The following YLPM1 variants were observed in gnomAD, a reference collection of about 807,000 sequenced individuals.
YLPM1 encodes YLP motif containing 1.
Under a neutral mutation model 230.0 loss-of-function variants are expected in YLPM1, and 99 were observed. The observed-to-expected ratio is 0.43, with a 90% CI of 0.37 to 0.51. The LOEUF (loss-of-function observed/expected upper bound fraction) is 0.51, where lower values mean the gene tolerates loss of function less well. Ranked by LOEUF, YLPM1 falls within the 20% of genes least tolerant of loss-of-function variation. The pLI is 0.00. For synonymous variants in YLPM1, 984 were observed against 942.5 expected (o/e 1.04, Z -0.81); for missense variants, 2,592 against 2,707.7 (o/e 0.96, Z 0.95).
chr14:74,767,178 G>A (rs967909724), intron 1 of YLPM1, among the ~76,000 whole-genome samples: 2 of 152,020 alleles, frequency 1.3e-5, no homozygotes, highest in Non-Finnish European at 2.9e-5. Flanking sequence ...CACCGTGCCC[G>A]GCCAAGACCC....
At chr14:74,778,792 C>G in intron 2 of YLPM1, 109 bp downstream of exon 2, 2 of 902,338 alleles carry the variant, frequency 2.2e-6, no homozygotes, top group African/African-American at 1.7e-5. Context: ...TTTTAGGTAC[C>G]TATAAAGTTG....
At chr14:74,770,032 A>G (rs2090961404) in intron 1 of YLPM1, among the ~76,000 whole-genome samples, 1 of 151,770 alleles carries the variant, frequency 6.6e-6, no homozygotes, top group African/African-American at 2.4e-5. Flanking sequence ...AATACAAAAA[A>G]TTAGCCGGGC....
In YLPM1 at chr14:74,836,481, A is replaced by C. The variant is rs2140151188; in HGVS notation, c.*743A>C. 1 of 152,260 alleles carries C rather than the reference A, an allele frequency of 6.6e-6. No homozygotes were observed. The highest frequency in any genetic ancestry group is 1.9e-4 in the East Asian group (1 of 5,180). The allele number at this position is 152,260 out of a possible 1,614,324, so 9.4% of individuals were successfully genotyped here. ...TCTGTAACATGATGCTTTATTTAAA[A>C]ATTTTTTTTGATCCTCTCTCTGTTC... On this transcript the variant is annotated 3_prime_UTR_variant, in exon 21 of 21. Transcript: ENST00000325680.
At position 74,835,940 on chromosome 14, in the gene YLPM1, G is replaced by C. The variant is rs563401710; in HGVS notation, c.*202G>C. 2.2e-6 allele frequency: 1 copy of C among 449,392 alleles called. No homozygotes were observed. The highest frequency in any genetic ancestry group is 2.4e-5 in the Admixed American group (1 of 40,970). 27.8% of individuals were successfully genotyped at this position (449,392 alleles called of 1,614,324 possible). ...GAATCTTGCTGTACCCAAGCAAGAC[G>C]TTAATTTTTCTTTTAACTGTTTTGG... On this transcript the variant is annotated 3_prime_UTR_variant, in exon 21 of 21. Coordinates refer to ENST00000325680, the MANE Select transcript of YLPM1 (RefSeq NM_019589.3).
At chr14:74,774,809 G>A (rs2091017143) in intron 1 of YLPM1, among the ~76,000 whole-genome samples, 1 of 151,962 alleles carries the variant, frequency 6.6e-6, no homozygotes, top group African/African-American at 2.4e-5. Context: ...CTCCCAAAGT[G>A]CTGGGATTAC....
intron 1 of YLPM1, among the ~76,000 whole-genome samples, chr14:74,770,396 G>C (rs2090966749): frequency 6.6e-6 from 1 of 151,970 alleles, no homozygotes; most frequent in Admixed American, 6.6e-5. Context: ...GGCCAAGGCA[G>C]GCGGATCACT....
chr14:74,797,790 A>G lies in YLPM1; in HGVS notation c.2493A>G (p.Arg831=), dbSNP rs757725595. The G allele has an allele frequency of 3.7e-6, 6 of 1,613,974 alleles. No homozygotes were observed. Among genetic ancestry groups the G allele is most frequent in the Non-Finnish European group, 5.1e-6 (6 of 1,179,886 alleles). The change falls in exon 5 of 21, where the codon CGA becomes CGG. Residue 831 remains arginine (R), a synonymous_variant. Coordinates refer to ENST00000325680, the MANE Select transcript of YLPM1 (RefSeq NM_019589.3). ...CCCCCAGTACATCCCTAAGTCCTCGACAGAGTGGACCACAGTGGAAAGGCC... is the reference window on the plus strand; with the variant it reads ...CCCCCAGTACATCCCTAAGTCCTCGGCAGAGTGGACCACAGTGGAAAGGCC... ...YITPSTSLSP[R]QSGPQWKGPK...
At chr14:74,785,453 C>A (rs937630040) in intron 4 of YLPM1, among the ~76,000 whole-genome samples, 3 of 152,156 alleles carry the variant, frequency 2.0e-5, no homozygotes, top group Admixed American at 6.5e-5. Flanking sequence ...GCTCACTCAG[C>A]CCTTATAGAG....
At chr14:74,834,183 T>TAAA (rs5809680) in intron 19 of YLPM1, among the ~76,000 whole-genome samples, 28 of 130,346 alleles carry the variant, frequency 2.1e-4, no homozygotes, top group African/African-American at 4.5e-4. Flanking sequence ...ACTCTGACTC[T>TAAA]AAAAAAAAAA....
Position 74,824,241 on chromosome 14 carries a change from C to CT in YLPM1, c.6112-14dup. Reference sequence around the variant, plus strand: ...TCTTTCTAACCCTTCGAGCTTCTCTCTGTGTACGATTTAGGGTTACATTCC... The same window carrying CT: ...TCTTTCTAACCCTTCGAGCTTCTCTCTTGTGTACGATTTAGGGTTACATTCC... On this transcript the variant is annotated splice_polypyrimidine_tract_variant and intron_variant, in intron 17 of 20. Coordinates refer to ENST00000325680, the MANE Select transcript of YLPM1 (RefSeq NM_019589.3). The CT allele has an allele frequency of 6.2e-7, 1 of 1,611,458 alleles. No homozygotes were observed. The highest frequency in any genetic ancestry group is 8.5e-7 in the Non-Finnish European group (1 of 1,178,448).
intron 1 of YLPM1, among the ~76,000 whole-genome samples, chr14:74,774,408 G>A (rs1387849358): frequency 2.0e-5 from 3 of 151,264 alleles, no homozygotes; most frequent in Non-Finnish European, 4.4e-5. Context: ...TAATTTTTTT[G>A]TATTTTTTTT....
chr14:74,763,398 A>G lies in YLPM1; in HGVS notation c.-92A>G. 1 of 1,367,248 alleles carries G rather than the reference A, an allele frequency of 7.3e-7. No homozygotes were observed. Among genetic ancestry groups the G allele is most frequent in the Non-Finnish European group, 9.5e-7 (1 of 1,050,520 alleles). The allele number at this position is 1,367,248 out of a possible 1,614,324, so 84.7% of individuals were successfully genotyped here. On this transcript the variant is annotated 5_prime_UTR_variant, in exon 1 of 21. Coordinates refer to ENST00000325680, the MANE Select transcript of YLPM1 (RefSeq NM_019589.3). ...CGCTCCGGGGCCTGTAGGCGCCGCGAGTTCCGGCTGTCGCCGTCGCCGCCG... is the reference window on the plus strand; with the variant it reads ...CGCTCCGGGGCCTGTAGGCGCCGCGGGTTCCGGCTGTCGCCGTCGCCGCCG...
chr14:74,765,329 C>T (rs2090901642), intron 1 of YLPM1, among the ~76,000 whole-genome samples: 1 of 152,154 alleles, frequency 6.6e-6, no homozygotes, highest in African/African-American at 2.4e-5. Context: ...GTAATATAAA[C>T]GCTCAGATTT....
In YLPM1 at chr14:74,781,689, C is replaced by G; in HGVS notation, c.1646C>G (p.Pro549Arg). 1.9e-6 allele frequency: 3 copies of G among 1,613,204 alleles called. No individual in the cohort carries two copies. The highest frequency in any genetic ancestry group is 2.5e-6 in the Non-Finnish European group (3 of 1,179,640). Residue 549 changes from proline to arginine, a missense_variant, in exon 4 of 21, where the codon CCT becomes CGT. This residue lies in a region of YLPM1 where 1,862 missense variants were observed against 1,819.8 expected (regional missense o/e 1.02). Transcript: ENST00000325680. Reference protein sequence around the residue: ...PPSLPPPVMPPALPATVPPPG... With the variant: ...PPSLPPPVMPRALPATVPPPG... ...TCATTGCCACCACCAGTGATGCCCC[C>G]TGCCCTCCCTGCTACAGTGCCACCA...
chr14:74,830,516 A>G (rs2091600775), intron 19 of YLPM1, among the ~76,000 whole-genome samples: 1 of 152,306 alleles, frequency 6.6e-6, no homozygotes, highest in African/African-American at 2.4e-5. Context: ...TTGGTGTCCC[A>G]TTGTTTGGTT....
intron 5 of YLPM1, among the ~76,000 whole-genome samples, chr14:74,800,626 T>C (rs1406387343): frequency 2.6e-5 from 4 of 152,216 alleles, no homozygotes; most frequent in Non-Finnish European, 5.9e-5. Context: ...CAATAAATTA[T>C]AACTTAAACT....
intron 15 of YLPM1, among the ~76,000 whole-genome samples, 157 bp from the exon 16 acceptor site, chr14:74,818,074 G>A (rs765925937): frequency 1.5e-4 from 22 of 150,968 alleles, no homozygotes; most frequent in Non-Finnish European, 2.7e-4. Context: ...AAAGAAATTA[G>A]CCCATTAGAC....
In YLPM1 at chr14:74,816,659, A is replaced by G. The variant is rs1218758282; in HGVS notation, c.5654A>G (p.Asp1885Gly). The G allele has an allele frequency of 4.3e-6, 7 of 1,613,406 alleles. No individual in the cohort carries two copies. Among genetic ancestry groups the G allele is most frequent in the Non-Finnish European group, 5.9e-6 (7 of 1,179,726 alleles). The change falls in exon 13 of 21, where the codon GAT becomes GGT. Residue 1885 changes from aspartate (D) to glycine (G), a missense_variant. Asp to Gly is a moderately conservative substitution (Grantham distance 94). This residue lies in a region of YLPM1 where 315 missense variants were observed against 429.3 expected (regional missense o/e 0.73). Coordinates refer to ENST00000325680, the MANE Select transcript of YLPM1 (RefSeq NM_019589.3). ...ACTGAAGTGGAAAAAGAAGAAAAAGATCCAGATTCTGGAAAGAAAGTGAAA... is the reference window on the plus strand; with the variant it reads ...ACTGAAGTGGAAAAAGAAGAAAAAGGTCCAGATTCTGGAAAGAAAGTGAAA... ...FITEVEKEEK[D>G]PDSGKKVKKK...
intron 1 of YLPM1, among the ~76,000 whole-genome samples, chr14:74,766,535 G>A (rs1016622315): frequency 1.4e-4 from 22 of 152,170 alleles, no homozygotes; most frequent in Middle Eastern, 3.4e-3. Flanking sequence ...CACCCAGGGT[G>A]GAGTGTAGTG....
Sources: allele counts gnomAD v4.1 joint callset (sites outside exome capture counted in the v4.1 genomes callset), GRCh38; gene constraint gnomAD v4.1.1; regional missense constraint gnomAD v4.1.1; transcripts MANE v1.5; gene names NCBI Gene and HGNC (gene_info 2026-07-23, HGNC 2026-07-21).